Variants in DGKI observed in about 807,000 individuals in gnomAD.
DGKI encodes DAG kinase iota.
Under a neutral mutation model 147.5 loss-of-function variants are expected in DGKI, and 55 were observed. The ratio of observed to expected loss-of-function variants is 0.37; its 90% confidence interval spans 0.30 to 0.47. The LOEUF is 0.47. DGKI is among the 20% of genes least tolerant of loss of function. The pLI is 1.00. For missense variants in DGKI, 1,007 were observed against 1,323.8 expected (o/e 0.76, Z 3.71); for synonymous variants, 469 against 477.1 (o/e 0.98, Z 0.22).
intron 1 of DGKI, among the ~76,000 whole-genome samples, chr7:137,755,983 T>C (rs1268170768): frequency 6.6e-6 from 1 of 152,174 alleles, no homozygotes; most frequent in Non-Finnish European, 1.5e-5. Context: ...ATGGAAGTTC[T>C]TAGGAGAGGT....
chr7:137,537,910 A>G (rs1168432109), intron 20 of DGKI, among the ~76,000 whole-genome samples: 2 of 152,216 alleles, frequency 1.3e-5, no homozygotes, highest in African/African-American at 4.8e-5. Flanking sequence ...GAGTTTATAA[A>G]GAGAGGAAAG....
At chr7:137,567,727 A>C (rs1818637067) in intron 19 of DGKI, among the ~76,000 whole-genome samples, 1 of 152,242 alleles carries the variant, frequency 6.6e-6, no homozygotes, top group African/African-American at 2.4e-5. Context: ...TCAAACTCTG[A>C]GTAAATATTT....
chr7:137,614,705 A>G (rs1820473078), intron 8 of DGKI, among the ~76,000 whole-genome samples: 1 of 152,126 alleles, frequency 6.6e-6, no homozygotes, highest in African/African-American at 2.4e-5. Context: ...TCCCTTTAGC[A>G]TCAAGGTTTC....
chr7:137,645,483 G>GCTTA lies in DGKI; in HGVS notation c.789_792dup (p.Gln265Ter), dbSNP rs777678355. ...GGCTGGGCTCTTACCTTACCACACTGCTTACATTTCCCCTCCTGCCGACGC... is the reference window on the plus strand; with the variant it reads ...GGCTGGGCTCTTACCTTACCACACTGCTTACTTACATTTCCCCTCCTGCCGACGC... On this transcript the variant is annotated stop_gained and frameshift_variant, in exon 6 of 33. Coordinates refer to ENST00000614521, the MANE Select transcript of DGKI (RefSeq NM_001321708.2). LOFTEE classifies it high-confidence loss of function. 1 of 1,613,470 alleles carries GCTTA rather than the reference G, an allele frequency of 6.2e-7. No individual in the cohort carries two copies. Among genetic ancestry groups the GCTTA allele is most frequent in the Non-Finnish European group, 8.5e-7 (1 of 1,179,622 alleles).
At chr7:137,692,585 G>T (rs1016780035) in intron 1 of DGKI, among the ~76,000 whole-genome samples, 1 of 152,150 alleles carries the variant, frequency 6.6e-6, no homozygotes, top group Non-Finnish European at 1.5e-5. Flanking sequence ...CCAAAACCCG[G>T]TTACTCTTCC....
chr7:137,491,855 G>T (rs1003657565), intron 21 of DGKI, among the ~76,000 whole-genome samples: 2 of 152,224 alleles, frequency 1.3e-5, no homozygotes, highest in Admixed American at 1.3e-4. Flanking sequence ...TGTGAGACTA[G>T]ACCAGAAGAA....
chr7:137,724,000 A>T (rs1463643794), intron 1 of DGKI, among the ~76,000 whole-genome samples: 4 of 151,898 alleles, frequency 2.6e-5, no homozygotes, highest in Non-Finnish European at 4.4e-5. Context: ...GAGCCACTGC[A>T]CCTGGCCCAT....
intron 19 of DGKI, among the ~76,000 whole-genome samples, chr7:137,564,318 G>A (rs1487521290): frequency 1.3e-5 from 2 of 152,076 alleles, no homozygotes; most frequent in Non-Finnish European, 2.9e-5. Flanking sequence ...CTTTCTGGGA[G>A]TAATCAAAGA....
chr7:137,763,458 G>A (rs1379882166), intron 1 of DGKI, among the ~76,000 whole-genome samples: 1 of 152,144 alleles, frequency 6.6e-6, no homozygotes, highest in Non-Finnish European at 1.5e-5. Flanking sequence ...TTCTCAGTGG[G>A]CCAGTGTTTG....
chr7:137,508,150 G>A (rs1013080617), intron 21 of DGKI, among the ~76,000 whole-genome samples: 2 of 151,200 alleles, frequency 1.3e-5, no homozygotes, highest in Admixed American at 6.6e-5. Context: ...GAAGGTGAAG[G>A]TTCCAGATGT....
chr7:137,702,883 A>G (rs1342155169), intron 1 of DGKI, among the ~76,000 whole-genome samples: 1 of 152,218 alleles, frequency 6.6e-6, no homozygotes, highest in African/African-American at 2.4e-5. Flanking sequence ...TTTTAACACC[A>G]TAGTGGCCTA....
intron 1 of DGKI, among the ~76,000 whole-genome samples, chr7:137,789,967 A>T (rs1030334016): frequency 6.6e-6 from 1 of 152,178 alleles, no homozygotes; most frequent in South Asian, 2.1e-4. Context: ...TGATATGTTA[A>T]TCTATAGCAA....
chr7:137,537,834 G>A (rs901606985), intron 20 of DGKI, among the ~76,000 whole-genome samples: 5 of 152,050 alleles, frequency 3.3e-5, no homozygotes, highest in Admixed American at 3.3e-4. Context: ...AGTTTACAAA[G>A]GCATGCATGT....
At chr7:137,590,129 T>G (rs1327894050) in intron 12 of DGKI, among the ~76,000 whole-genome samples, 1 of 152,172 alleles carries the variant, frequency 6.6e-6, no homozygotes, top group Non-Finnish European at 1.5e-5. Flanking sequence ...CTCCTGGTCT[T>G]GCAAATAGCA....
chr7:137,525,596 C>T (rs1817116391), intron 20 of DGKI, among the ~76,000 whole-genome samples: 1 of 152,140 alleles, frequency 6.6e-6, no homozygotes, highest in African/African-American at 2.4e-5. Context: ...AAACTCTATG[C>T]TTCATTTTCC....
intron 1 of DGKI, among the ~76,000 whole-genome samples, chr7:137,783,607 A>G (rs1314917661): frequency 6.6e-6 from 1 of 152,216 alleles, no homozygotes; most frequent in African/African-American, 2.4e-5. Flanking sequence ...TAGACATCCA[A>G]ATAAAAGCAG....
rs371108416 is a variant in DGKI at position 137,579,382 on chromosome 7, AT to A, written c.1643-1058del. On this transcript the variant is annotated intron_variant, in intron 15 of 32. Transcript: ENST00000614521. ...TTTTTCTTCTATAGCTTAGCTTAAG[AT>A]TTCTTGACTAACTAGTTAAAAATAG... 3.5e-3 allele frequency among the ~76,000 whole-genome samples: 527 copies of A among 150,516 alleles called. 4 individuals carry two copies. The highest frequency in any genetic ancestry group is 0.013 in the African/African-American group (508 of 40,570).
At chr7:137,747,451 G>T (rs1029763645) in intron 1 of DGKI, among the ~76,000 whole-genome samples, 4 of 152,166 alleles carry the variant, frequency 2.6e-5, no homozygotes, top group Middle Eastern at 3.4e-3. Flanking sequence ...CCTCTCCATA[G>T]GGCATAATCC....
intron 1 of DGKI, among the ~76,000 whole-genome samples, chr7:137,840,219 AC>A (rs1468680183): frequency 6.6e-6 from 1 of 152,210 alleles, no homozygotes; most frequent in East Asian, 1.9e-4. Context: ...TGGGTTAAAA[AC>A]AAAGCAAAAG....
Sources: gnomAD v4.1 joint callset for allele counts (sites outside exome capture counted in the v4.1 genomes callset) on GRCh38, gnomAD v4.1.1 for gene constraint, MANE v1.5 for transcripts, NCBI Gene and HGNC (gene_info 2026-07-23, HGNC 2026-07-21) for gene names.